The following GTF2E1 variants were observed in gnomAD, a reference collection of about 807,000 sequenced individuals.
GTF2E1 encodes the protein general transcription factor IIE subunit 1.
In GTF2E1, 14 loss-of-function variants were observed where a neutral mutation model predicts 34.9. That is an observed-to-expected ratio of 0.40 (90% CI 0.27 to 0.63). GTF2E1 has a LOEUF of 0.63. GTF2E1 is among the 20% of genes least tolerant of loss of function. The pLI is 0.39. For missense variants in GTF2E1, 469 were observed against 557.7 expected (o/e 0.84, Z 1.60); for synonymous variants, 188 against 192.9 (o/e 0.97, Z 0.21).
intron 2 of GTF2E1, among the ~76,000 whole-genome samples, chr3:120,765,597 A>C (rs1709300604): frequency 6.6e-6 from 1 of 152,212 alleles, no homozygotes; most frequent in African/African-American, 2.4e-5. Context: ...TTGAGACAGA[A>C]AGATTTGTAT....
chr3:120,771,297 A>G (rs1709350058), intron 3 of GTF2E1, among the ~76,000 whole-genome samples: 1 of 152,112 alleles, frequency 6.6e-6, no homozygotes, highest in South Asian at 2.1e-4. Context: ...CCTTTAAGGA[A>G]TTCAGCATTT....
In GTF2E1 at chr3:120,770,943, C is replaced by T. The variant is rs768994457; in HGVS notation, c.650+14C>T. The T allele has an allele frequency of 1.2e-6, 2 of 1,606,080 alleles. No individual in the cohort carries two copies. The highest frequency in any genetic ancestry group is 1.3e-5 in the African/African-American group (1 of 74,808). On this transcript the variant is annotated intron_variant, in intron 3 of 4. Transcript: ENST00000283875. ...CCTGAAACAGAGGTGAGTGTAGGCC[C>T]TGTGCTCTTACTAAGAACACATTTC...
intron 1 of GTF2E1, among the ~76,000 whole-genome samples, chr3:120,749,121 T>C (rs867503825): frequency 3.9e-4 from 60 of 152,372 alleles, no homozygotes; most frequent in Middle Eastern, 3.4e-3. Context: ...GACTTTTTGC[T>C]GAAGTTGCTT....
intron 2 of GTF2E1, among the ~76,000 whole-genome samples, chr3:120,764,721 A>C (rs537178595): frequency 6.6e-6 from 1 of 152,276 alleles, no homozygotes; most frequent in South Asian, 2.1e-4. Context: ...TCAGTTATAC[A>C]TTTCCAGAGC....
chr3:120,763,022 G>T (rs1709277697), intron 2 of GTF2E1, among the ~76,000 whole-genome samples: 1 of 152,102 alleles, frequency 6.6e-6, no homozygotes, highest in Non-Finnish European at 1.5e-5. Flanking sequence ...AATATGCTCT[G>T]TTTACATCTT....
intron 3 of GTF2E1, among the ~76,000 whole-genome samples, chr3:120,776,177 T>C (rs1184733948): frequency 6.6e-6 from 1 of 152,162 alleles, no homozygotes; most frequent in East Asian, 1.9e-4. Flanking sequence ...CCTCAGTCAT[T>C]TATATACATC....
intron 2 of GTF2E1, among the ~76,000 whole-genome samples, chr3:120,764,084 G>A (rs1167549326): frequency 6.6e-6 from 1 of 152,068 alleles, no homozygotes. Context: ...TGCATGACTT[G>A]CTCCCATCTT....
intron 3 of GTF2E1, among the ~76,000 whole-genome samples, chr3:120,773,212 A>G (rs904643720): frequency 6.6e-6 from 1 of 152,106 alleles, no homozygotes; most frequent in African/African-American, 2.4e-5. Flanking sequence ...AGCATTTGAC[A>G]AATTCCACTG....
chr3:120,770,845 C>T lies in GTF2E1; in HGVS notation c.566C>T (p.Ala189Val). 6.2e-7 allele frequency: 1 copy of T among 1,613,540 alleles called. No homozygotes were observed. Residue 189 changes from alanine to valine, a missense_variant, in exon 3 of 5, where the codon GCA (alanine) becomes GTA (valine). Transcript: ENST00000283875. The stretch of plus-strand genomic sequence containing the variant: ...AATGAACAAATTGAGCCCATTTATG[C>T]ATTGCTTCGGGAGACAGAGGATGTG... ...RFNEQIEPIY[A>V]LLRETEDVNL...
At chr3:120,750,447 C>A in intron 1 of GTF2E1, 76 bp from the exon 2 acceptor site, 2 of 828,922 alleles carry the variant, frequency 2.4e-6, no homozygotes, top group Non-Finnish European at 3.9e-6. Context: ...GGGTACTTTT[C>A]TGGCACTGCA....
intron 2 of GTF2E1, among the ~76,000 whole-genome samples, chr3:120,768,652 C>T (rs1463318925): frequency 1.3e-5 from 2 of 152,148 alleles, no homozygotes; most frequent in African/African-American, 4.8e-5. Context: ...CCCAGTCTCA[C>T]ATTGGTGTGT....
rs746777958 is a variant in GTF2E1 at position 120,781,250 on chromosome 3, C to A, written c.1100C>A (p.Pro367His). Residue 367 changes from proline to histidine, a missense_variant, in exon 5 of 5, where the codon CCC becomes CAC. Coordinates refer to ENST00000283875, the MANE Select transcript of GTF2E1 (RefSeq NM_005513.3). ...AGTGAGTCAGATGATGATTCTCCAC[C>A]CCGTCCGGCAGCTGTGGCTGTGCAT... ...ETSESDDDSP[P>H]RPAAVAVHKR... The A allele has an allele frequency of 2.5e-6, 4 of 1,614,046 alleles. No homozygotes were observed. The highest frequency in any genetic ancestry group is 3.3e-5 in the Admixed American group (2 of 60,002).
chr3:120,753,710 T>G (rs534393958), intron 2 of GTF2E1, among the ~76,000 whole-genome samples: 45 of 152,338 alleles, frequency 3.0e-4, no homozygotes, highest in African/African-American at 8.7e-4. Flanking sequence ...TGTTTACCAT[T>G]GTTAATTCAC....
rs1217575768 is a variant in GTF2E1 at position 120,750,774 on chromosome 3, C to T, written c.222C>T (p.Cys74=). 2 of 1,613,710 alleles carry T rather than the reference C, an allele frequency of 1.2e-6. No individual in the cohort carries two copies. Among genetic ancestry groups the T allele is most frequent in the Non-Finnish European group, 1.7e-6 (2 of 1,179,792 alleles). The change falls in exon 2 of 5, where the codon TGC becomes TGT. Residue 74 remains cysteine, a synonymous_variant. Transcript: ENST00000283875. ...NNLKGDKFIK[C]RMRVETAADG... ...TAAAGGGAGACAAGTTTATCAAATG[C>T]AGAATGAGGGTAGAGACTGCTGCAG...
In GTF2E1 at chr3:120,781,416, A is replaced by G; in HGVS notation, c.1266A>G (p.Glu422=). 1 of 1,614,172 alleles carries G rather than the reference A, an allele frequency of 6.2e-7. No homozygotes were observed. Among genetic ancestry groups the G allele is most frequent in the Non-Finnish European group, 8.5e-7 (1 of 1,179,996 alleles). The part of the protein sequence containing the change: ...PELVAQMTPE[E]KEAYIAMGQR... ...TAGTGGCCCAGATGACACCAGAAGA[A>G]AAGGAAGCATATATAGCAATGGGAC... Residue 422 remains glutamate, a synonymous_variant, in exon 5 of 5, where the codon GAA becomes GAG. Transcript: ENST00000283875.
chr3:120,776,434 C>G lies in GTF2E1; in HGVS notation c.662C>G (p.Ala221Gly). Residue 221 changes from alanine to glycine, a missense_variant, in exon 4 of 5, where the codon GCA becomes GGA. By Grantham distance (60) the Ala-to-Gly change is moderately conservative. Coordinates refer to ENST00000283875, the MANE Select transcript of GTF2E1 (RefSeq NM_005513.3). ...IPALKQSKDH[A>G]ATTAGAASLA... ...TTCTTTTTATATAGCAAGGACCATGCAGCAACTACTGCTGGAGCTGCTAGC... is the reference window on the plus strand; with the variant it reads ...TTCTTTTTATATAGCAAGGACCATGGAGCAACTACTGCTGGAGCTGCTAGC... 1 of 1,612,838 alleles carries G rather than the reference C, an allele frequency of 6.2e-7. No homozygotes were observed. Among genetic ancestry groups the G allele is most frequent in the South Asian group, 1.1e-5 (1 of 91,046 alleles).
At chr3:120,747,769 G>A (rs1005919875) in intron 1 of GTF2E1, among the ~76,000 whole-genome samples, 1 of 152,156 alleles carries the variant, frequency 6.6e-6, no homozygotes, top group African/African-American at 2.4e-5. Context: ...ACCCAGTAAT[G>A]GGATGGCTGG....
intron 1 of GTF2E1, among the ~76,000 whole-genome samples, chr3:120,744,015 C>G (rs1417386663): frequency 3.3e-5 from 5 of 152,092 alleles, no homozygotes; most frequent in South Asian, 2.1e-4. Flanking sequence ...TAGGAGGTCC[C>G]ACGCTCAGAA....
intron 3 of GTF2E1, among the ~76,000 whole-genome samples, chr3:120,775,290 G>A (rs1709389502): frequency 6.6e-6 from 1 of 152,096 alleles, no homozygotes; most frequent in African/African-American, 2.4e-5. Context: ...CAGGATCCAT[G>A]GAAAAGAGTG....
Sources: allele counts gnomAD v4.1 joint callset (sites outside exome capture counted in the v4.1 genomes callset), GRCh38; gene constraint gnomAD v4.1.1; transcripts MANE v1.5; gene names NCBI Gene and HGNC (gene_info 2026-07-23, HGNC 2026-07-21).